YIPF7: variants seen among roughly 807,000 people sequenced by gnomAD.
YIPF7 encodes the protein Yip1 domain family member 7.
YIPF7 carries 35 observed loss-of-function variants against 27.2 expected under a neutral mutation model. The ratio of observed to expected loss-of-function variants is 1.29; its 90% confidence interval spans 0.98 to 1.70. The LOEUF (loss-of-function observed/expected upper bound fraction) is 1.70. Ranked by LOEUF, YIPF7 falls within the 40% of genes most tolerant of loss-of-function variation. The probability of loss-of-function intolerance (pLI) is 0.00; values close to 1 mark genes in which losing one functional copy is unlikely to be tolerated. For synonymous variants in YIPF7, 137 were observed against 110.4 expected (o/e 1.24, Z -1.51); for missense variants, 358 against 303.7 (o/e 1.18, Z -1.33).
chr4:44,632,147 C>CTATAA (rs1205930665), intron 3 of YIPF7, among the ~76,000 whole-genome samples: 1 of 151,960 alleles, frequency 6.6e-6, no homozygotes, highest in Non-Finnish European at 1.5e-5. Context: ...AAATAGATCT[C>CTATAA]TATAATATTG....
chr4:44,633,821 T>C (rs1449076719), intron 3 of YIPF7, among the ~76,000 whole-genome samples: 1 of 152,158 alleles, frequency 6.6e-6, no homozygotes, highest in East Asian at 1.9e-4. Context: ...TTAGATTCTA[T>C]AGAAATCTGA....
At chr4:44,637,534 C>G (rs1175909620) in intron 2 of YIPF7, among the ~76,000 whole-genome samples, 2 of 152,084 alleles carry the variant, frequency 1.3e-5, no homozygotes, top group Admixed American at 6.6e-5. Flanking sequence ...GTTGGCCATT[C>G]GTATGTCTTC....
chr4:44,624,882 C>G, intron 4 of YIPF7, 100 bp from the exon 5 acceptor site: 2 of 1,107,770 alleles, frequency 1.8e-6, no homozygotes, highest in Non-Finnish European at 2.5e-6. Flanking sequence ...CAGTTCAGTG[C>G]TGTTCCATGT....
intron 3 of YIPF7, among the ~76,000 whole-genome samples, chr4:44,635,202 G>A (rs761298389): frequency 9.2e-5 from 14 of 151,810 alleles, no homozygotes; most frequent in Non-Finnish European, 1.9e-4. Flanking sequence ...ATCCACTTGG[G>A]TTTTAGCGTC....
chr4:44,633,590 T>C (rs576678075), intron 3 of YIPF7, among the ~76,000 whole-genome samples: 126 of 152,080 alleles, frequency 8.3e-4, no homozygotes, highest in Non-Finnish European at 1.2e-3. Flanking sequence ...GCTGGAGAAA[T>C]AGACTCTAAA....
chr4:44,656,958 C>A (rs1459430143), intron 2 of YIPF7, among the ~76,000 whole-genome samples: 1 of 152,020 alleles, frequency 6.6e-6, no homozygotes, highest in Non-Finnish European at 1.5e-5. Context: ...TTATGTTGAC[C>A]ATATTTCCTT....
chr4:44,639,019 C>G (rs985166292), intron 2 of YIPF7, among the ~76,000 whole-genome samples: 1 of 152,078 alleles, frequency 6.6e-6, no homozygotes, highest in South Asian at 2.1e-4. Context: ...ACCTTATTTA[C>G]ATGTTTTCTA....
At chr4:44,651,638 A>G (rs1349340045), upstream of YIPF7, 3 of 1,568,248 alleles carry the variant, frequency 1.9e-6, no homozygotes, top group South Asian at 1.2e-5. Flanking sequence ...TGAAAAGATG[A>G]CATGCTGGCT....
intron 2 of YIPF7, among the ~76,000 whole-genome samples, chr4:44,641,098 G>A (rs1276289752): frequency 6.6e-6 from 1 of 152,068 alleles, no homozygotes; most frequent in Non-Finnish European, 1.5e-5. Flanking sequence ...CAGCAGGAAA[G>A]TGGACCACGT....
intron 2 of YIPF7, among the ~76,000 whole-genome samples, chr4:44,636,319 T>A (rs1414346708): frequency 6.6e-6 from 1 of 152,184 alleles, no homozygotes; most frequent in Non-Finnish European, 1.5e-5. Flanking sequence ...ATGGACAACA[T>A]GCTGAATGCT....
intron 5 of YIPF7, 29 bp from the exon 6 acceptor site, chr4:44,622,605 T>A: frequency 6.2e-7 from 1 of 1,608,984 alleles, no homozygotes; most frequent in Non-Finnish European, 8.5e-7. Context: ...AATGATTGCC[T>A]GTGCCAGTAG....
At chr4:44,653,170 C>T (rs1713786873), upstream of YIPF7, among the ~76,000 whole-genome samples, 1 of 151,864 alleles carries the variant, frequency 6.6e-6, no homozygotes. Flanking sequence ...AAATAAAAAG[C>T]CAATGTTGCT....
chr4:44,647,814 G>A (rs543949587), intron 2 of YIPF7, among the ~76,000 whole-genome samples: 16 of 152,118 alleles, frequency 1.1e-4, no homozygotes, highest in African/African-American at 3.4e-4. Context: ...GGGCAGAGTA[G>A]GAACAGAAGA....
rs71190269 is a variant in YIPF7, at chr4:44,626,763, C to CTTTTTTTTTTTTTTTTT, written c.427-1998_427-1982dup. ...CCCTATTCCATCCTCATTAGCACAT[C>CTTTTTTTTTTTTTTTTT]TTTTTTTTTTTTTTTTTTTTTTTTT... On this transcript the variant is annotated intron_variant, in intron 4 of 5. Coordinates refer to ENST00000415895, the MANE Select transcript of YIPF7 (RefSeq NM_182592.3). 6.9e-4 allele frequency among the ~76,000 whole-genome samples: 48 copies of CTTTTTTTTTTTTTTTTT among 69,778 alleles called. 8 individuals carry two copies. The highest frequency in any genetic ancestry group is 8.8e-4 in the Non-Finnish European group (36 of 41,080). 45.8% of individuals were successfully genotyped at this position (69,778 alleles called of 152,430 possible). A position where few individuals can be genotyped will look rare whatever the true frequency, so the allele number is the denominator to read the frequency against.
upstream of YIPF7, among the ~76,000 whole-genome samples, chr4:44,654,728 A>C (rs906293850): frequency 6.6e-6 from 1 of 151,994 alleles, no homozygotes; most frequent in African/African-American, 2.4e-5. Context: ...GCACTCACTC[A>C]AATCAGAAAT....
rs1372723086 is a variant in YIPF7 at position 44,651,621 on chromosome 4, C to T, written c.-69G>A. ...TTTGTGTGAGAAATTTTAAGCAAAT[C>T]CATTGGTGAAAAGATGACATGCTGG... On this transcript the variant is annotated 5_prime_UTR_variant, in exon 1 of 6. Transcript: ENST00000415895. The T allele has an allele frequency of 1.0e-5, 16 of 1,582,458 alleles. No homozygotes were observed. The highest frequency in any genetic ancestry group is 1.4e-5 in the Non-Finnish European group (16 of 1,162,220).
At chr4:44,625,580 T>C (rs2109575750) in intron 4 of YIPF7, among the ~76,000 whole-genome samples, 2 of 152,284 alleles carry the variant, frequency 1.3e-5, no homozygotes, top group East Asian at 3.9e-4. Flanking sequence ...ATAAACTAAC[T>C]GGTAATGAAT....
Sources: gnomAD v4.1 joint callset for allele counts (sites outside exome capture counted in the v4.1 genomes callset) on GRCh38, gnomAD v4.1.1 for gene constraint, MANE v1.5 for transcripts, NCBI Gene and HGNC (gene_info 2026-07-23, HGNC 2026-07-21) for gene names.